Variants in VPS13C observed in about 807,000 individuals in gnomAD.
The protein encoded by VPS13C is vacuolar protein sorting 13 homolog C.
Under a neutral mutation model 456.8 loss-of-function variants are expected in VPS13C, and 358 were observed. The ratio of observed to expected loss-of-function variants is 0.78; its 90% CI spans 0.72 to 0.86. The LOEUF is 0.86. Among genes scored for constraint, VPS13C ranks in the 40% least tolerant of loss-of-function variants. VPS13C has a pLI of 0.00. For missense variants in VPS13C, 4,818 were observed against 4,385.4 expected (o/e 1.10, Z -2.79); for synonymous variants, 1,578 against 1,486.7 (o/e 1.06, Z -1.41).
At chr15:62,037,288 T>A (rs11637940) in intron 3 of VPS13C, among the ~76,000 whole-genome samples, 50 of 46,550 alleles carry the variant, frequency 1.1e-3, no homozygotes, top group African/African-American at 3.7e-3. Flanking sequence ...ATTATATATA[T>A]TATATTATAT....
At chr15:61,949,388 T>C in intron 42 of VPS13C, 55 bp downstream of exon 42, 2 of 1,574,164 alleles carry the variant, frequency 1.3e-6, no homozygotes, top group Admixed American at 2.0e-5. Context: ...AAACAAGTTG[T>C]TATATGATTA....
chr15:61,868,179 A>C (rs2140865495), intron 81 of VPS13C, among the ~76,000 whole-genome samples: 1 of 152,220 alleles, frequency 6.6e-6, no homozygotes, highest in African/African-American at 2.4e-5. Context: ...CTAAAATAAA[A>C]GCCAAAAAGC....
At chr15:62,054,163 T>A (rs1211260994) in intron 1 of VPS13C, among the ~76,000 whole-genome samples, 2 of 152,238 alleles carry the variant, frequency 1.3e-5, no homozygotes, top group East Asian at 3.8e-4. Flanking sequence ...TTAAAACAAT[T>A]ATATCCTGGA....
In VPS13C at chr15:61,981,442, T is replaced by C. The variant is rs377510850; in HGVS notation, c.2066A>G (p.Asp689Gly). 14 of 1,611,412 alleles carry C rather than the reference T, an allele frequency of 8.7e-6. No homozygotes were observed. Among genetic ancestry groups the C allele is most frequent in the Non-Finnish European group, 1.1e-5 (13 of 1,179,176 alleles). Residue 689 changes from aspartate (D) to glycine (G), a missense_variant, in exon 22 of 85, where the codon GAT becomes GGT. Physicochemically the swap from Asp to Gly is moderately conservative, Grantham distance 94. This residue lies in a region of VPS13C where 4,552 missense variants were observed against 4,130.6 expected (regional missense o/e 1.10). Coordinates refer to ENST00000644861, the MANE Select transcript of VPS13C (RefSeq NM_020821.3). ...THIIETRKVL[D>G]LRINLKPSYL... is the part of the protein sequence containing the mutation. ...AGAAGGCTTCAGATTTATCCTTAAA[T>C]CAAGGACTTTTCGAGTTTCAATAAT...
rs775795504 is a variant in VPS13C, at chr15:61,890,310, C to T, written c.9196G>A (p.Asp3066Asn). The change falls in exon 67 of 85, where the codon GAT becomes AAT. Residue 3066 changes from aspartate (D) to asparagine (N), a missense_variant. Physicochemically the swap from Asp to Asn is conservative, Grantham distance 23. Around this residue, in one of 3 missense-constraint regions of VPS13C, gnomAD observed 4,552 missense variants for 4,130.6 expected, o/e 1.10. Coordinates refer to ENST00000644861, the MANE Select transcript of VPS13C (RefSeq NM_020821.3). ...DGRQRVLLFT[D>N]DVALVSKALQ... ...GCTTTGGAAACCAAGGCAACATCAT[C>T]GGTGAAAAGCAAAACTCTCTGGCGC... 16 of 1,614,034 alleles carry T rather than the reference C, an allele frequency of 9.9e-6. No individual in the cohort carries two copies. Among genetic ancestry groups the T allele is most frequent in the Non-Finnish European group, 1.3e-5 (15 of 1,180,006 alleles).
intron 83 of VPS13C, 100 bp downstream of exon 83, chr15:61,856,186 T>C: frequency 1.4e-6 from 2 of 1,388,568 alleles, no homozygotes; most frequent in Non-Finnish European, 9.9e-7. Flanking sequence ...CATATAGTAG[T>C]AATAACGACA....
intron 49 of VPS13C, among the ~76,000 whole-genome samples, chr15:61,931,924 A>G (rs1034910579): frequency 1.3e-5 from 2 of 152,156 alleles, no homozygotes; most frequent in African/African-American, 4.8e-5. Flanking sequence ...AAAAACAGTG[A>G]TAAGATTTAT....
In VPS13C at chr15:62,044,272, CAA is replaced by C. The variant is rs1014345164; in HGVS notation, c.101-19_101-18del. ...CCACATTTCCTTTAAAAAAAGAAAA[CAA>C]AGAAAAATATTACTATAACATACCA... On this transcript the variant is annotated intron_variant, in intron 1 of 84. Coordinates refer to ENST00000644861, the MANE Select transcript of VPS13C (RefSeq NM_020821.3). The C allele has an allele frequency of 7.0e-7, 1 of 1,427,562 alleles. No individual in the cohort carries two copies. The highest frequency in any genetic ancestry group is 9.6e-7 in the Non-Finnish European group (1 of 1,037,128). The allele number at this position is 1,427,562 out of a possible 1,614,324, so 88.4% of individuals were successfully genotyped here. A position where few individuals can be genotyped will look rare whatever the true frequency, so the allele number is the denominator to read the frequency against.
At chr15:61,855,969 T>G (rs1893879351) in intron 83 of VPS13C, among the ~76,000 whole-genome samples, 1 of 151,902 alleles carries the variant, frequency 6.6e-6, no homozygotes, top group Non-Finnish European at 1.5e-5. Context: ...ATGTCTAAGA[T>G]TACAGCAACA....
chr15:61,945,322 A>G (rs1190493434), intron 45 of VPS13C, among the ~76,000 whole-genome samples: 1 of 152,228 alleles, frequency 6.6e-6, no homozygotes, highest in Non-Finnish European at 1.5e-5. Context: ...GATGCTGTTG[A>G]TCACAATCAT....
At chr15:61,902,109 T>C (rs1390394611) in intron 66 of VPS13C, among the ~76,000 whole-genome samples, 6 of 94,738 alleles carry the variant, frequency 6.3e-5, no homozygotes, top group African/African-American at 2.5e-4. Flanking sequence ...CTGGGGACTG[T>C]TGTGGGGTGG....
chr15:61,865,583 T>C (rs1894490460), intron 81 of VPS13C: 3 of 708,342 alleles, frequency 4.2e-6, no homozygotes, highest in South Asian at 6.4e-5. Context: ...TATATGTGTG[T>C]ATATGTGTGT....
intron 81 of VPS13C, chr15:61,868,019 C>A: frequency 1.0e-6 from 1 of 1,001,208 alleles, no homozygotes; most frequent in South Asian, 1.5e-5. Context: ...TAATCATATA[C>A]AATAAAAACC....
chr15:61,876,919 GT>G, intron 75 of VPS13C, 53 bp downstream of exon 75: 1 of 1,371,256 alleles, frequency 7.3e-7, no homozygotes, highest in South Asian at 1.3e-5. Context: ...ACATGCAAAT[GT>G]TTTGATATTT....
Position 61,911,979 on chromosome 15 carries a change from C to G in VPS13C, c.8576G>C (p.Ser2859Thr), listed in dbSNP as rs777427888. The G allele has an allele frequency of 6.2e-7, 1 of 1,606,240 alleles. No homozygotes were observed. The highest frequency in any genetic ancestry group is 2.2e-5 in the East Asian group (1 of 44,602). Residue 2859 changes from serine (S) to threonine (T), a missense_variant, in exon 63 of 85, where the codon AGT (serine) becomes ACT (threonine). This residue lies in a region of VPS13C where 4,552 missense variants were observed against 4,130.6 expected (regional missense o/e 1.10). Transcript: ENST00000644861. ...GGTAACTATTCGTGAAAGGTTGAAA[C>G]TGCTCATTTTGATGCTAACACCAAC... ...YLVGVSIKMS[S>T]FNLSRIVTLT... is the part of the protein sequence containing the mutation.
intron 37 of VPS13C, among the ~76,000 whole-genome samples, chr15:61,955,237 C>A (rs2044947556): frequency 6.6e-6 from 1 of 152,110 alleles, no homozygotes; most frequent in South Asian, 2.1e-4. Context: ...ATGGACTGTT[C>A]TATTTAATTC....
At chr15:62,040,255 T>A (rs558381094) in intron 3 of VPS13C, among the ~76,000 whole-genome samples, 52 of 152,148 alleles carry the variant, frequency 3.4e-4, no homozygotes, top group African/African-American at 1.2e-3. Flanking sequence ...AAAACAAAGT[T>A]AGATAAAATG....
In VPS13C at chr15:61,881,579, T is replaced by G. The variant is rs918712650; in HGVS notation, c.9760A>C (p.Lys3254Gln). ...TTCACTTACTTGAACTGTAAGACTT[T>G]ACTGTACTCATTAAATCTTGTGATG... is the stretch of plus-strand genomic sequence containing the variant. The part of the protein sequence containing the change: ...SVITRFNEYS[K>Q]VLQFKYFMVL... Residue 3254 changes from lysine to glutamine, a missense_variant, in exon 71 of 85, where the codon AAA becomes CAA. Around this residue, in one of 3 missense-constraint regions of VPS13C, gnomAD observed 4,552 missense variants for 4,130.6 expected, o/e 1.10. Coordinates refer to ENST00000644861, the MANE Select transcript of VPS13C (RefSeq NM_020821.3). 6.2e-7 allele frequency: 1 copy of G among 1,612,258 alleles called. No individual in the cohort carries two copies. Among genetic ancestry groups the G allele is most frequent in the Non-Finnish European group, 8.5e-7 (1 of 1,179,152 alleles).
intron 80 of VPS13C, 111 bp downstream of exon 80, chr15:61,869,389 A>T (rs1448944550): frequency 1.1e-5 from 14 of 1,234,044 alleles, no homozygotes; most frequent in Non-Finnish European, 1.5e-5. Context: ...CACAGCTTTC[A>T]ATTAGACTTT....
Sources: allele counts gnomAD v4.1 joint callset (sites outside exome capture counted in the v4.1 genomes callset), GRCh38; gene constraint gnomAD v4.1.1; regional missense constraint gnomAD v4.1.1; transcripts MANE v1.5; gene names NCBI Gene and HGNC (gene_info 2026-07-23, HGNC 2026-07-21).